PDLIM2: variants seen among roughly 807,000 people sequenced by gnomAD.
The protein encoded by PDLIM2 is PDZ and LIM domain protein 2.
PDLIM2 carries 51 observed loss-of-function variants against 54.1 expected under a neutral mutation model. The ratio of observed to expected loss-of-function variants is 0.94; its 90% CI spans 0.75 to 1.19. PDLIM2 has a LOEUF of 1.19. Among genes scored for constraint, PDLIM2 ranks in the 50% most tolerant of loss-of-function variants. PDLIM2 has a pLI of 0.00. For missense variants in PDLIM2, 912 were observed against 874.0 expected (o/e 1.04, Z -0.55); for synonymous variants, 398 against 385.6 (o/e 1.03, Z -0.38).
chr8:22,585,255 G>A (rs2117349295), intron 5 of PDLIM2, 66 bp from the exon 5 acceptor site: 2 of 1,601,916 alleles, frequency 1.2e-6, no homozygotes, highest in South Asian at 1.1e-5. Flanking sequence ...TGGGAGCCCG[G>A]GGCAGCATCC....
At chr8:22,591,585 C>A (rs1800548491) in exon 9 of PDLIM2, 1 of 1,613,514 alleles carries the variant, frequency 6.2e-7, no homozygotes, top group African/African-American at 1.3e-5. Context: ...GCTCACTGAG[C>A]CCCCAGTCCT....
downstream of PDLIM2, chr8:22,594,543 C>G (rs771652851): frequency 1.2e-5 from 19 of 1,613,898 alleles, no homozygotes; most frequent in Middle Eastern, 1.6e-3. Flanking sequence ...GACGCTTGTG[C>G]TATGGAGGGA....
chr8:22,579,340 C>T lies in PDLIM2; in HGVS notation c.561C>T (p.Ser187=), dbSNP rs908087575. 6.0e-5 allele frequency: 87 copies of T among 1,461,488 alleles called. No homozygotes were observed. In the Admixed American group the frequency reaches 2.2e-3, roughly 36 times the overall value. 90.5% of individuals were successfully genotyped at this position (1,461,488 alleles called of 1,614,324 possible). Residue 187 remains serine, a synonymous_variant, in exon 1 of 10, where the codon AGC becomes AGT. Transcript: ENST00000308354. ...TCGTCCGCGGCCCAGCTCCCTGGAG[C>T]CTCGCATCAGCGGGGGCGCCCCCGC...
chr8:22,585,635 A>ACCCCTCCCCTCAGC, intron 6 of PDLIM2: 2 of 115,794 alleles, frequency 1.7e-5, no homozygotes, highest in Non-Finnish European at 2.9e-5. Flanking sequence ...CATCTCCTGC[A>ACCCCTCCCCTCAGC]CCCCTCCCCT....
chr8:22,593,489 A>G, intron 9 of PDLIM2: 1 of 491,098 alleles, frequency 2.0e-6, no homozygotes, highest in Non-Finnish European at 3.6e-6. Flanking sequence ...GTGCAGGAGT[A>G]TCGCTTGAAC....
chr8:22,585,391 A>G (rs1453211380), exon 6 of PDLIM2: 1 of 1,609,608 alleles, frequency 6.2e-7, no homozygotes. Context: ...CCGCCCTGGA[A>G]GCCGACAGGT....
downstream of PDLIM2, chr8:22,594,698 CG>C (rs1729724946): frequency 1.9e-6 from 3 of 1,572,194 alleles, no homozygotes; most frequent in Non-Finnish European, 2.6e-6. Context: ...GTTGGGCCCC[CG>C]GGGCCAGGTT....
At position 22,579,174 on chromosome 8, in the gene PDLIM2, TC is replaced by T; in HGVS notation, c.398del (p.Pro133LeufsTer121). 1 of 1,362,094 alleles carries T rather than the reference TC, an allele frequency of 7.3e-7. No homozygotes were observed. Among genetic ancestry groups the T allele is most frequent in the Non-Finnish European group, 9.4e-7 (1 of 1,059,700 alleles). The allele number at this position is 1,362,094 out of a possible 1,614,324, so 84.4% of individuals were successfully genotyped here. A position where few individuals can be genotyped will look rare whatever the true frequency, so the allele number is the denominator to read the frequency against. On this transcript the variant is annotated frameshift_variant, in exon 1 of 10. Coordinates refer to ENST00000308354, the Ensembl canonical transcript of PDLIM2. LOFTEE classifies it high-confidence loss of function. ...CGGGAGCGGTGGCGTCTCCCCGCCTTCCCTCCCTCCCGGGCCTGGGCGCCCA... is the reference window on the plus strand; with the variant it reads ...CGGGAGCGGTGGCGTCTCCCCGCCTTCCTCCCTCCCGGGCCTGGGCGCCCA...
In PDLIM2 at chr8:22,589,444, T is replaced by A. The variant is rs769120477; in HGVS notation, c.1367+70T>A. ...GGGAGGGGCAGGAGGGAGACGGGCT[T>A]CCCCGAGAGGGATGGGGTCCCCCAA... is the stretch of plus-strand genomic sequence containing the variant. On this transcript the variant is annotated intron_variant, in intron 7 of 9. Coordinates refer to ENST00000308354, the Ensembl canonical transcript of PDLIM2. The A allele has an allele frequency of 1.3e-4, 193 of 1,529,272 alleles. 2 individuals carry two copies. In the South Asian group the frequency reaches 2.0e-3, roughly 16 times the overall value. 94.7% of individuals were successfully genotyped at this position (1,529,272 alleles called of 1,614,324 possible).
exon 10 of PDLIM2, chr8:22,594,232 A>C (rs1248845729): frequency 7.2e-7 from 1 of 1,394,014 alleles, no homozygotes; most frequent in Non-Finnish European, 9.3e-7. Context: ...GCCAGGGGCT[A>C]ATGGTGTCAC....
At chr8:22,589,913 C>T (rs1563873226) in intron 8 of PDLIM2, 172 bp downstream of exon 7, 10 of 837,500 alleles carry the variant, frequency 1.2e-5, no homozygotes, top group Admixed American at 5.7e-5. Flanking sequence ...AAGGAGCTGA[C>T]GGTCCGGGAG....
At chr8:22,582,870 GC>G (rs1041353436) in intron 3 of PDLIM2, among the ~76,000 whole-genome samples, 33 of 149,434 alleles carry the variant, frequency 2.2e-4, no homozygotes, top group African/African-American at 7.2e-4. Flanking sequence ...ATTACACCGC[GC>G]CCGGCCCAGT....
chr8:22,578,901 G>A, exon 1 of PDLIM2: 1 of 1,238,224 alleles, frequency 8.1e-7, no homozygotes, highest in Non-Finnish European at 1.0e-6. Context: ...GGCAGTCGGG[G>A]GCTTGCGGGC....
chr8:22,589,493 C>A, intron 7 of PDLIM2, 103 bp from the exon 7 acceptor site: 1 of 1,527,888 alleles, frequency 6.5e-7, no homozygotes, highest in Non-Finnish European at 8.9e-7. Context: ...CTCCACCTCC[C>A]AGATTCCTCC....
rs1014587443 is a variant in PDLIM2 at position 22,580,187 on chromosome 8, C to T, written c.749-416C>T. The T allele has an allele frequency of 7.5e-5, 23 of 305,978 alleles. No homozygotes were observed. The Admixed American group carries it at 8.6e-4, about 11-fold the overall frequency. The allele number at this position is 305,978 out of a possible 1,614,324, so 19.0% of individuals were successfully genotyped here. ...CTCCCCCAGAGTGGAGAGGAAGTAC[C>T]GTGTGCTGTGGGTTTTGGGGACAGG... is the stretch of plus-strand genomic sequence containing the variant. On this transcript the variant is annotated intron_variant, in intron 1 of 9. Coordinates refer to ENST00000308354, the Ensembl canonical transcript of PDLIM2.
chr8:22,594,494 T>C, downstream of PDLIM2: 1 of 1,613,438 alleles, frequency 6.2e-7, no homozygotes, highest in South Asian at 1.1e-5. Flanking sequence ...AGTCATGTCA[T>C]TCCTTAACCT....
intron 3 of PDLIM2, among the ~76,000 whole-genome samples, chr8:22,584,078 T>C (rs1261737143): frequency 6.6e-6 from 1 of 151,546 alleles, no homozygotes; most frequent in Non-Finnish European, 1.5e-5. Flanking sequence ...TTTGGCTCAC[T>C]GTAACCTCTG....
In PDLIM2 at chr8:22,590,486, A is replaced by G. The variant is rs1328472207; in HGVS notation, c.1513+745A>G. On this transcript the variant is annotated intron_variant, in intron 8 of 9. Transcript: ENST00000308354. ...AGATGGGCCTGGCCAGCTCCCATGG[A>G]AGTGAGCGCTGCTGTGGGAGTTACT... 9 of 152,244 alleles carry G rather than the reference A, an allele frequency of 5.9e-5. No homozygotes were observed. The East Asian group carries it at 1.7e-3, about 30-fold the overall frequency. The allele number at this position is 152,244 out of a possible 1,614,324, so 9.4% of individuals were successfully genotyped here. A position where few individuals can be genotyped will look rare whatever the true frequency, so the allele number is the denominator to read the frequency against.
exon 1 of PDLIM2, chr8:22,579,258 C>T: frequency 7.4e-7 from 1 of 1,356,638 alleles, no homozygotes; most frequent in Non-Finnish European, 9.4e-7. Flanking sequence ...TCCGCGCGGC[C>T]CGCCCTCCCC....
Sources: gnomAD v4.1 joint callset for allele counts (sites outside exome capture counted in the v4.1 genomes callset) on GRCh38, gnomAD v4.1.1 for gene constraint, MANE v1.5 for transcripts, NCBI Gene and HGNC (gene_info 2026-07-23, HGNC 2026-07-21) for gene names.